The following ITGB3 variants were observed in gnomAD, a reference collection of about 807,000 sequenced individuals.
ITGB3 encodes the protein integrin subunit beta 3, also known as integrin beta-3.
In ITGB3, 48 loss-of-function variants were observed where a neutral mutation model predicts 85.8. That is an observed-to-expected ratio of 0.56 (90% confidence interval 0.44 to 0.71). The LOEUF (loss-of-function observed/expected upper bound fraction) is 0.71, where lower values mean the gene tolerates loss of function less well. Among genes scored for constraint, ITGB3 ranks in the 30% least tolerant of loss-of-function variants. ITGB3 has a pLI of 0.00. For synonymous variants in ITGB3, 363 were observed against 395.6 expected (o/e 0.92, Z 0.98); for missense variants, 861 against 1,019.1 (o/e 0.84, Z 2.11).
At chr17:47,266,323 C>A (rs922272705) in intron 1 of ITGB3, among the ~76,000 whole-genome samples, 1 of 152,220 alleles carries the variant, frequency 6.6e-6, no homozygotes, top group Non-Finnish European at 1.5e-5. Flanking sequence ...AGTCCCCTGT[C>A]CTCATTAGGG....
chr17:47,300,347 G>GCT (rs2065162293), intron 11 of ITGB3, 131 bp from the exon 12 acceptor site: 12 of 652,220 alleles, frequency 1.8e-5, no homozygotes, highest in South Asian at 1.7e-4. Context: ...GCGCGCGCGC[G>GCT]TGTGTGTGTG....
At chr17:47,298,317 G>C in intron 10 of ITGB3, among the ~76,000 whole-genome samples, 1 of 152,048 alleles carries the variant, frequency 6.6e-6, no homozygotes, top group Non-Finnish European at 1.5e-5. Flanking sequence ...CTTATTTTCT[G>C]ACTTCTTTTC....
chr17:47,299,540 G>A lies in ITGB3; in HGVS notation c.1913+10G>A, dbSNP rs750724747. ...CCTGCACCTTTAAGAAGTGAGTGTG[G>A]AGTCTGGAGAGAGCCGGGAGGCTGG... On this transcript the variant is annotated intron_variant, in intron 11 of 14. Coordinates refer to ENST00000559488, the MANE Select transcript of ITGB3 (RefSeq NM_000212.3). The surrounding 1 kb of genome is among the most constrained non-coding windows in gnomAD (Gnocchi z 5.1). 1 of 1,612,520 alleles carries A rather than the reference G, an allele frequency of 6.2e-7. No individual in the cohort carries two copies.
intron 13 of ITGB3, 122 bp from the exon 14 acceptor site, chr17:47,307,349 T>C: frequency 9.0e-7 from 1 of 1,110,540 alleles, no homozygotes; most frequent in Admixed American, 2.0e-5. Context: ...AATTAATTTT[T>C]GAAAACTGTC....
At chr17:47,278,562 A>C (rs1432610661) in intron 2 of ITGB3, among the ~76,000 whole-genome samples, 1 of 151,028 alleles carries the variant, frequency 6.6e-6, no homozygotes, top group Non-Finnish European at 1.5e-5. Context: ...TAGCCTGGGC[A>C]ACAAGAGCGA....
chr17:47,292,333 A>G lies in ITGB3; in HGVS notation c.1455A>G (p.Val485=), dbSNP rs775716093. Residue 485 remains valine (V), a synonymous_variant, in exon 10 of 15, where the codon GTA becomes GTG. Coordinates refer to ENST00000559488, the MANE Select transcript of ITGB3 (RefSeq NM_000212.3). ...NNGNGTFECG[V]CRCGPGWLGS... ...GCAATGGGACCTTTGAGTGTGGGGTATGCCGTTGTGGGCCTGGCTGGCTGG... is the reference window on the plus strand; with the variant it reads ...GCAATGGGACCTTTGAGTGTGGGGTGTGCCGTTGTGGGCCTGGCTGGCTGG... 6 of 1,614,226 alleles carry G rather than the reference A, an allele frequency of 3.7e-6. No homozygotes were observed. The South Asian group carries it at 5.5e-5, about 15-fold the overall frequency.
chr17:47,275,753 C>T (rs1327903139), intron 2 of ITGB3, among the ~76,000 whole-genome samples: 5 of 152,222 alleles, frequency 3.3e-5, no homozygotes, highest in South Asian at 2.1e-4. Context: ...GCCTCTTTGC[C>T]GTTCAGCACG....
At chr17:47,283,248 T>G (rs1262201528) in intron 2 of ITGB3, 106 bp from the exon 3 acceptor site, 7 of 1,037,952 alleles carry the variant, frequency 6.7e-6, no homozygotes, top group South Asian at 1.3e-5. Flanking sequence ...TATGCTCCAA[T>G]GTACGGGGTA....
chr17:47,304,121 G>T (rs2065177930), intron 13 of ITGB3, among the ~76,000 whole-genome samples: 1 of 152,098 alleles, frequency 6.6e-6, no homozygotes, highest in Non-Finnish European at 1.5e-5. Context: ...AAAACTCTGG[G>T]ACTCAAGTGA....
intron 2 of ITGB3, among the ~76,000 whole-genome samples, chr17:47,279,259 T>G (rs571454192): frequency 6.6e-6 from 1 of 152,222 alleles, no homozygotes; most frequent in African/African-American, 2.4e-5. Context: ...TTTGCCCTTT[T>G]TGTGTAACAT....
rs182749804 is a variant in ITGB3 at position 47,310,341 on chromosome 17, T to G, written c.*137T>G. The G allele has an allele frequency of 1.3e-5, 10 of 771,916 alleles. No homozygotes were observed. In the African/African-American group the frequency reaches 1.7e-4, roughly 13 times the overall value. The allele number at this position is 771,916 out of a possible 1,614,324, so 47.8% of individuals were successfully genotyped here. A position where few individuals can be genotyped will look rare whatever the true frequency, so the allele number is the denominator to read the frequency against. On this transcript the variant is annotated 3_prime_UTR_variant, in exon 15 of 15. Transcript: ENST00000559488. Reference sequence around the variant, plus strand: ...GGGGTAGGTTGGGAGAATGTCAGTATGTGGAAGTGTGGGTCTGTGTGTGTG... The same window carrying G: ...GGGGTAGGTTGGGAGAATGTCAGTAGGTGGAAGTGTGGGTCTGTGTGTGTG...
chr17:47,287,217 G>C lies in ITGB3; in HGVS notation c.925G>C (p.Ala309Pro). 6.2e-7 allele frequency: 1 copy of C among 1,613,880 alleles called. No homozygotes were observed. The highest frequency in any genetic ancestry group is 8.5e-7 in the Non-Finnish European group (1 of 1,179,858). ...CHVGSDNHYSASTTMDYPSLG... is the reference protein window; with the variant it reads ...CHVGSDNHYSPSTTMDYPSLG... ...TGTTGGTAGTGACAATCATTACTCT[G>C]CCTCCACTACCATGGTGAGATCTCT... The change falls in exon 6 of 15, where the codon GCC becomes CCC. Residue 309 changes from alanine (A) to proline (P), a missense_variant. Transcript: ENST00000559488.
At chr17:47,307,367 C>G (rs1441441487) in intron 13 of ITGB3, 104 bp from the exon 14 acceptor site, 1 of 1,308,398 alleles carries the variant, frequency 7.6e-7, no homozygotes, top group Non-Finnish European at 1.1e-6. Flanking sequence ...GTCCTATTTC[C>G]TTCAAGGACC....
intron 2 of ITGB3, among the ~76,000 whole-genome samples, chr17:47,282,443 G>T (rs2065087101): frequency 6.6e-6 from 1 of 152,176 alleles, no homozygotes; most frequent in South Asian, 2.1e-4. Flanking sequence ...CTATGATTTT[G>T]ATTGCTGTTA....
intron 3 of ITGB3, 72 bp from the exon 4 acceptor site, chr17:47,284,371 A>G (rs993063530): frequency 1.3e-6 from 2 of 1,594,886 alleles, no homozygotes; most frequent in African/African-American, 1.3e-5. Context: ...CTTAGTCCCA[A>G]CTGTATCCAA....
rs186343400 is a variant in ITGB3, at chr17:47,313,539, C to T, written c.*3335C>T. On this transcript the variant is annotated 3_prime_UTR_variant, in exon 15 of 15. Transcript: ENST00000559488. ...TTTCTTTTTGTATTTTTAGTAGAGA[C>T]GGGGTTTCACGGTGTTAGCCAGGAA... 5.4e-3 allele frequency among the ~76,000 whole-genome samples: 822 copies of T among 151,718 alleles called. 7 individuals carry two copies. Among genetic ancestry groups the T allele is most frequent in the African/African-American group, 0.019 (788 of 41,360 alleles).
chr17:47,293,601 T>C (rs900556576), intron 10 of ITGB3, among the ~76,000 whole-genome samples: 1 of 151,956 alleles, frequency 6.6e-6, no homozygotes, highest in African/African-American at 2.4e-5. Context: ...ATTGGCTTCA[T>C]TGGCATTGGG....
At position 47,284,565 on chromosome 17, in the gene ITGB3, A is replaced by ACAC. The variant is rs1316605353; in HGVS notation, c.485_486insACC (p.Thr162_Lys163insPro). 1 of 1,614,176 alleles carries ACAC rather than the reference A, an allele frequency of 6.2e-7. No homozygotes were observed. Among genetic ancestry groups the ACAC allele is most frequent in the African/African-American group, 1.3e-5 (1 of 75,042 alleles). ...TCTGTGGAGCATCCAGAACCTGGGT[A>ACAC]CCAAGCTGGCCACCCAGATGCGAAA... On this transcript the variant is annotated inframe_insertion, in exon 4 of 15. Coordinates refer to ENST00000559488, the MANE Select transcript of ITGB3 (RefSeq NM_000212.3).
At chr17:47,296,509 C>T (rs1256957460) in intron 10 of ITGB3, among the ~76,000 whole-genome samples, 2 of 152,200 alleles carry the variant, frequency 1.3e-5, no homozygotes, top group East Asian at 1.9e-4. Flanking sequence ...GTTGAGGTTA[C>T]AGGCATGAGC....
Sources: gnomAD v4.1 joint callset for allele counts (sites outside exome capture counted in the v4.1 genomes callset) on GRCh38, gnomAD v4.1.1 for gene constraint, Gnocchi (gnomAD v3.1) non-coding constraint, MANE v1.5 for transcripts, NCBI Gene and HGNC (gene_info 2026-07-23, HGNC 2026-07-21) for gene names.